The following ZNF609 variants were observed in gnomAD, a reference collection of about 807,000 sequenced individuals.
ZNF609 encodes the protein zinc finger protein 609.
In ZNF609, 11 loss-of-function variants were observed where a neutral mutation model predicts 109.5. That is an observed-to-expected ratio of 0.10 (90% CI 0.06 to 0.17). The LOEUF is 0.17. Ranked by LOEUF, ZNF609 falls within the 10% of genes least tolerant of loss-of-function variation. The probability of loss-of-function intolerance (pLI) is 1.00; values close to 1 mark genes in which losing one functional copy is unlikely to be tolerated. For synonymous variants in ZNF609, 646 were observed against 662.0 expected, an observed-to-expected ratio of 0.98 and a Z score of 0.37; for missense variants, 1,559 against 1,772.4, an observed-to-expected ratio of 0.88 and a Z score of 2.16.
intron 2 of ZNF609, among the ~76,000 whole-genome samples, chr15:64,575,039 A>G (rs1047586899): frequency 5.9e-5 from 9 of 152,218 alleles, no homozygotes; most frequent in African/African-American, 2.4e-5. Context: ...AGCACAGTAT[A>G]TAGAAATGAA....
chr15:64,550,201 C>A (rs1230560408), intron 2 of ZNF609, among the ~76,000 whole-genome samples: 2 of 152,082 alleles, frequency 1.3e-5, no homozygotes, highest in African/African-American at 4.8e-5. Flanking sequence ...GTGATCCACC[C>A]ACCTCAGCCT....
intron 9 of ZNF609, 48 bp downstream of exon 9, chr15:64,681,435 T>G (rs776516811): frequency 1.1e-4 from 169 of 1,495,540 alleles, no homozygotes; most frequent in Non-Finnish European, 1.5e-4. Context: ...CCGGGATAGT[T>G]GCTACCTGGA....
chr15:64,573,786 G>A (rs1894903016), intron 2 of ZNF609, among the ~76,000 whole-genome samples: 1 of 152,050 alleles, frequency 6.6e-6, no homozygotes, highest in Non-Finnish European at 1.5e-5. Flanking sequence ...CAAACTCTGT[G>A]CAAGGGAGTT....
intron 3 of ZNF609, among the ~76,000 whole-genome samples, chr15:64,633,909 A>AT (rs1354107764): frequency 6.6e-6 from 1 of 151,900 alleles, no homozygotes; most frequent in Non-Finnish European, 1.5e-5. Context: ...AAAAAAAAAA[A>AT]TGTTTACCAA....
intron 3 of ZNF609, among the ~76,000 whole-genome samples, chr15:64,639,885 A>G (rs918814753): frequency 1.3e-5 from 2 of 152,088 alleles, no homozygotes; most frequent in African/African-American, 4.8e-5. Flanking sequence ...CTCTGACCCC[A>G]ACTGTTACTG....
intron 2 of ZNF609, among the ~76,000 whole-genome samples, chr15:64,597,315 G>A (rs1342814418): frequency 6.6e-6 from 1 of 152,164 alleles, no homozygotes; most frequent in Admixed American, 6.6e-5. Context: ...GTCAGGCAGA[G>A]AGAGACAAAT....
At chr15:64,671,683 A>G (rs1187712329) in intron 4 of ZNF609, among the ~76,000 whole-genome samples, 1 of 152,180 alleles carries the variant, frequency 6.6e-6, no homozygotes, top group Non-Finnish European at 1.5e-5. Flanking sequence ...CGTTGAGGGT[A>G]ACTTGCAACT....
intron 2 of ZNF609, among the ~76,000 whole-genome samples, chr15:64,613,311 A>G (rs1221674683): frequency 6.6e-6 from 1 of 151,684 alleles, no homozygotes; most frequent in African/African-American, 2.4e-5. Context: ...CCTGTCTCAG[A>G]AAAAAAACGA....
rs1008431290 is a variant in ZNF609, at chr15:64,521,161, T to C, written c.747+20995T>C. 3.3e-5 allele frequency among the ~76,000 whole-genome samples: 5 copies of C among 152,168 alleles called. No homozygotes were observed. In the East Asian group the frequency reaches 7.7e-4, roughly 23 times the overall value. ...CAATAGGTTAAGTAACCCACGTCCATGTCTTAAGAGGAGTCCAAGATAAGA... is the reference window on the plus strand; with the variant it reads ...CAATAGGTTAAGTAACCCACGTCCACGTCTTAAGAGGAGTCCAAGATAAGA... On this transcript the variant is annotated intron_variant, in intron 2 of 9. Coordinates refer to ENST00000326648, the MANE Select transcript of ZNF609 (RefSeq NM_015042.2).
rs1169879124 is a variant in ZNF609 at position 64,598,742 on chromosome 15, GTATATATATATATATATATATATATATA to G, written c.748-24067_748-24040del. The stretch of plus-strand genomic sequence containing the variant: ...CTGTCCATCATACATCTTTGTGTGT[GTATATATATATATATATATATATATATA>G]TATATATATATATATATCCTGTTAT... On this transcript the variant is annotated intron_variant, in intron 2 of 9. Transcript: ENST00000326648. 4.1e-4 allele frequency among the ~76,000 whole-genome samples: 25 copies of G among 60,276 alleles called. 1 individual carries two copies. The highest frequency in any genetic ancestry group is 3.7e-3 in the South Asian group (6 of 1,630). The allele number at this position is 60,276 out of a possible 152,430, so 39.5% of individuals were successfully genotyped here. A position where few individuals can be genotyped will look rare whatever the true frequency, so the allele number is the denominator to read the frequency against.
intron 1 of ZNF609, among the ~76,000 whole-genome samples, chr15:64,477,253 G>A (rs962829773): frequency 6.9e-6 from 1 of 145,726 alleles, no homozygotes; most frequent in Non-Finnish European, 1.5e-5. Flanking sequence ...CCATTCTCCT[G>A]CCTCAGCCTT....
chr15:64,538,288 A>G (rs1338454357), intron 2 of ZNF609, among the ~76,000 whole-genome samples: 2 of 152,230 alleles, frequency 1.3e-5, no homozygotes, highest in African/African-American at 4.8e-5. Context: ...TCAAAAAGTC[A>G]GTTGCTAAGA....
In ZNF609 at chr15:64,578,770, G is replaced by A. The variant is rs561683592; in HGVS notation, c.748-44057G>A. 1.1e-4 allele frequency among the ~76,000 whole-genome samples: 17 copies of A among 152,294 alleles called. No homozygotes were observed. The South Asian group carries it at 2.5e-3, about 22-fold the overall frequency. On this transcript the variant is annotated intron_variant, in intron 2 of 9. Coordinates refer to ENST00000326648, the MANE Select transcript of ZNF609 (RefSeq NM_015042.2). ...TTCTAGCACTTTGGGAGGCCAAGGCGCATGGATTGCGTGAGCTCAGGAGTT... is the reference window on the plus strand; with the variant it reads ...TTCTAGCACTTTGGGAGGCCAAGGCACATGGATTGCGTGAGCTCAGGAGTT...
intron 3 of ZNF609, among the ~76,000 whole-genome samples, chr15:64,660,062 T>C (rs1896551242): frequency 6.6e-6 from 1 of 152,138 alleles, no homozygotes; most frequent in African/African-American, 2.4e-5. Flanking sequence ...CTTGAACTCC[T>C]GACCTCAGGT....
At chr15:64,482,071 G>A (rs958313364) in intron 1 of ZNF609, among the ~76,000 whole-genome samples, 3 of 152,118 alleles carry the variant, frequency 2.0e-5, no homozygotes, top group South Asian at 2.1e-4. Context: ...GTCAGCCACC[G>A]TGCCCAGCCT....
chr15:64,676,487 G>T (rs933724324), intron 5 of ZNF609, among the ~76,000 whole-genome samples: 6 of 151,976 alleles, frequency 3.9e-5, no homozygotes, highest in Non-Finnish European at 8.8e-5. Flanking sequence ...CTAGAGTGCA[G>T]TGGTGCAATC....
Position 64,528,805 on chromosome 15 carries a change from G to A in ZNF609, c.747+28639G>A, listed in dbSNP as rs1350179108. 4.9e-6 allele frequency: 4 copies of A among 823,776 alleles called. No homozygotes were observed. The African/African-American group carries it at 5.0e-5, about 10-fold the overall frequency. 51.0% of individuals were successfully genotyped at this position (823,776 alleles called of 1,614,324 possible). On this transcript the variant is annotated intron_variant, in intron 2 of 9. Transcript: ENST00000326648. ...CCCCAGCATCGAAGGTAGAAGAGTG[G>A]GTGTTGCTGTTGAAGTCGAAGGAGA...
intron 4 of ZNF609, among the ~76,000 whole-genome samples, chr15:64,672,913 G>A (rs1407365723): frequency 2.0e-5 from 3 of 148,774 alleles, no homozygotes; most frequent in Non-Finnish European, 4.4e-5. Context: ...ACAGTGAGCC[G>A]AGATCGTGCC....
intron 3 of ZNF609, among the ~76,000 whole-genome samples, chr15:64,628,366 C>T (rs1476831970): frequency 1.3e-5 from 2 of 151,666 alleles, no homozygotes; most frequent in Non-Finnish European, 2.9e-5. Context: ...AACTTAAAAA[C>T]GAACAAGTGG....
Sources: gnomAD v4.1 joint callset for allele counts (sites outside exome capture counted in the v4.1 genomes callset) on GRCh38, gnomAD v4.1.1 for gene constraint, MANE v1.5 for transcripts, NCBI Gene and HGNC (gene_info 2026-07-23, HGNC 2026-07-21) for gene names.